PARL: variants seen among roughly 807,000 people sequenced by gnomAD.
PARL encodes presenilin associated rhomboid like.
A neutral mutation model predicts 51.6 loss-of-function variants in PARL; 44 were observed. That is an observed-to-expected ratio of 0.85 (90% CI 0.67 to 1.10). The LOEUF is 1.10. Among genes scored for constraint, PARL ranks in the 50% least tolerant of loss-of-function variants. The probability of loss-of-function intolerance (pLI) is 0.00; values close to 1 mark genes in which losing one functional copy is unlikely to be tolerated. For synonymous variants in PARL, 172 were observed against 164.0 expected (o/e 1.05, Z -0.37); for missense variants, 441 against 469.5 (o/e 0.94, Z 0.56).
intron 6 of PARL, among the ~76,000 whole-genome samples, chr3:183,841,751 T>C (rs1002006505): frequency 4.6e-5 from 7 of 152,172 alleles, no homozygotes; most frequent in Admixed American, 2.0e-4. Flanking sequence ...TAAGAAACGA[T>C]ACCATCTTCA....
chr3:183,856,491 C>T (rs1416148693), intron 4 of PARL: 4 of 152,268 alleles, frequency 2.6e-5, no homozygotes. Flanking sequence ...CACACAGTGG[C>T]TATCATTTCT....
chr3:183,870,276 T>C (rs553363622), intron 1 of PARL, among the ~76,000 whole-genome samples: 3 of 145,054 alleles, frequency 2.1e-5, no homozygotes, highest in Non-Finnish European at 4.5e-5. Context: ...AGACCTTGTC[T>C]CAAAAAAAAA....
At chr3:183,882,979 T>C (rs77176628) in intron 1 of PARL, among the ~76,000 whole-genome samples, 1 of 152,212 alleles carries the variant, frequency 6.6e-6, no homozygotes, top group Admixed American at 6.5e-5. Flanking sequence ...TAAGAACTTA[T>C]TACCAGAGGC....
intron 1 of PARL, among the ~76,000 whole-genome samples, chr3:183,868,441 C>T (rs974794964): frequency 2.6e-5 from 4 of 151,656 alleles, no homozygotes; most frequent in African/African-American, 4.8e-5. Context: ...GGCTAGAGTA[C>T]GATTACTCCC....
chr3:183,869,090 A>T (rs963313653), intron 1 of PARL, among the ~76,000 whole-genome samples: 1 of 152,140 alleles, frequency 6.6e-6, no homozygotes, highest in Non-Finnish European at 1.5e-5. Flanking sequence ...CCTCTACCCC[A>T]TTCAAACTCA....
chr3:183,877,289 T>G (rs192327159), intron 1 of PARL, among the ~76,000 whole-genome samples: 21 of 152,342 alleles, frequency 1.4e-4, no homozygotes, highest in African/African-American at 5.1e-4. Context: ...TGCAATCTCA[T>G]GATCAAACTT....
At chr3:183,836,172 G>A (rs983147977) in intron 7 of PARL, among the ~76,000 whole-genome samples, 2 of 135,318 alleles carry the variant, frequency 1.5e-5, no homozygotes, top group Non-Finnish European at 3.0e-5. Context: ...AGCCGAGATC[G>A]CACCTTTGCA....
chr3:183,843,929 C>T (rs4912511), intron 5 of PARL, among the ~76,000 whole-genome samples: 71,457 of 151,822 alleles, frequency 0.47, 17,014 homozygotes, highest in Middle Eastern at 0.58. Context: ...ATCCTAGCTA[C>T]TAGGGAGGCT....
At chr3:183,882,408 CATAT>C (rs753133425) in intron 1 of PARL, among the ~76,000 whole-genome samples, 2 of 141,060 alleles carry the variant, frequency 1.4e-5, no homozygotes, top group African/African-American at 5.2e-5. Flanking sequence ...TATACACACA[CATAT>C]ATATAGAGAG....
intron 7 of PARL, among the ~76,000 whole-genome samples, chr3:183,837,898 G>A (rs1313453087): frequency 1.3e-5 from 2 of 152,126 alleles, no homozygotes; most frequent in Non-Finnish European, 2.9e-5. Flanking sequence ...GATCACTTGA[G>A]CCCAGGAGTT....
intron 5 of PARL, chr3:183,843,341 C>T: frequency 1.0e-6 from 1 of 975,610 alleles, no homozygotes; most frequent in Non-Finnish European, 1.2e-6. Flanking sequence ...CATGGCAAGA[C>T]CTCATCTGCA....
intron 1 of PARL, among the ~76,000 whole-genome samples, chr3:183,879,266 C>A (rs540409141): frequency 2.6e-5 from 4 of 152,330 alleles, no homozygotes; most frequent in African/African-American, 9.6e-5. Context: ...TTGGCAACTT[C>A]AAGGGATTCA....
chr3:183,854,563 T>C (rs73177529), intron 4 of PARL, among the ~76,000 whole-genome samples: 19,459 of 151,784 alleles, frequency 0.13, 1,877 homozygotes, highest in East Asian at 0.46. Flanking sequence ...AGTAGAATGG[T>C]GGTTATCAAG....
At chr3:183,855,826 G>A (rs1010618074) in intron 4 of PARL, among the ~76,000 whole-genome samples, 2 of 152,100 alleles carry the variant, frequency 1.3e-5, no homozygotes, top group African/African-American at 4.8e-5. Flanking sequence ...CAGGCGTGAT[G>A]ACAGGTGCCT....
chr3:183,848,164 T>C (rs929388801), intron 4 of PARL, among the ~76,000 whole-genome samples: 9 of 152,260 alleles, frequency 5.9e-5, no homozygotes, highest in Admixed American at 5.2e-4. Context: ...CAAAGGCTTA[T>C]AGCAAACCAG....
intron 4 of PARL, among the ~76,000 whole-genome samples, chr3:183,849,686 T>C (rs1730341500): frequency 6.6e-6 from 1 of 151,744 alleles, no homozygotes; most frequent in African/African-American, 2.4e-5. Context: ...AATTAATAAA[T>C]CCAAAAGTTG....
At chr3:183,854,623 CAG>C (rs1730928502) in intron 4 of PARL, among the ~76,000 whole-genome samples, 1 of 151,354 alleles carries the variant, frequency 6.6e-6, no homozygotes, top group South Asian at 2.1e-4. Flanking sequence ...AGTAGAGTTT[CAG>C]ATCTGCAAAA....
chr3:183,870,413 T>C (rs1221269825), intron 1 of PARL, among the ~76,000 whole-genome samples: 1 of 151,818 alleles, frequency 6.6e-6, no homozygotes, highest in East Asian at 2.0e-4. Context: ...ATGGCAACAC[T>C]TTCCTTAACT....
At chr3:183,880,764 A>G (rs959439906) in intron 1 of PARL, among the ~76,000 whole-genome samples, 2 of 151,884 alleles carry the variant, frequency 1.3e-5, no homozygotes, top group African/African-American at 4.8e-5. Flanking sequence ...ACACCAATAT[A>G]TGTGTTCACC....
Sources: allele counts gnomAD v4.1 joint callset (sites outside exome capture counted in the v4.1 genomes callset), GRCh38; gene constraint gnomAD v4.1.1; transcripts MANE v1.5; gene names NCBI Gene and HGNC (gene_info 2026-07-23, HGNC 2026-07-21).